Variants in MAML2 observed in about 807,000 individuals in gnomAD.
The protein encoded by MAML2 is mastermind-like protein 2.
MAML2 carries 22 observed loss-of-function variants against 96.1 expected under a neutral mutation model. The ratio of observed to expected loss-of-function variants is 0.23; its 90% CI spans 0.16 to 0.33. MAML2 has a LOEUF of 0.33. MAML2 is among the 10% of genes least tolerant of loss of function. The pLI is 1.00. For missense variants in MAML2, 1,367 were observed against 1,392.4 expected (o/e 0.98, Z 0.29); for synonymous variants, 561 against 521.3 (o/e 1.08, Z -1.04).
chr11:96,148,635 G>A (rs900966379), intron 1 of MAML2, among the ~76,000 whole-genome samples: 1 of 143,178 alleles, frequency 7.0e-6, no homozygotes, highest in South Asian at 2.2e-4. Flanking sequence ...CTTCTGGCCT[G>A]AAAAGTCTGA....
chr11:96,157,552 A>T (rs1861030058), intron 1 of MAML2, among the ~76,000 whole-genome samples: 1 of 152,272 alleles, frequency 6.6e-6, no homozygotes, highest in Non-Finnish European at 1.5e-5. Context: ...CAAGAATAAC[A>T]TGCTCATGGA....
At chr11:96,119,145 A>G (rs1860293826) in intron 1 of MAML2, among the ~76,000 whole-genome samples, 1 of 152,234 alleles carries the variant, frequency 6.6e-6, no homozygotes, top group South Asian at 2.1e-4. Flanking sequence ...TATGGTAGGC[A>G]GGATAATATC....
chr11:96,123,034 G>C (rs1565221901), intron 1 of MAML2, among the ~76,000 whole-genome samples: 1 of 152,208 alleles, frequency 6.6e-6, no homozygotes, highest in Non-Finnish European at 1.5e-5. Context: ...AATGCTGAGA[G>C]TCCAGCCTTC....
intron 1 of MAML2, among the ~76,000 whole-genome samples, chr11:96,332,321 G>A (rs1350622781): frequency 6.6e-6 from 1 of 152,204 alleles, no homozygotes; most frequent in Admixed American, 6.5e-5. Flanking sequence ...TTAGCTGGGA[G>A]CTCGCTCTCT....
chr11:96,037,047 C>T (rs181258833), intron 2 of MAML2, among the ~76,000 whole-genome samples: 2 of 152,140 alleles, frequency 1.3e-5, no homozygotes, highest in African/African-American at 2.4e-5. Flanking sequence ...CCTGCACTGC[C>T]GTCGGGAGCC....
At chr11:96,066,732 G>T (rs561807808) in intron 2 of MAML2, among the ~76,000 whole-genome samples, 2 of 152,272 alleles carry the variant, frequency 1.3e-5, no homozygotes, top group East Asian at 3.9e-4. Flanking sequence ...AACTAGGAAG[G>T]CTGCAGCTTT....
chr11:96,075,684 G>C (rs898807955), intron 2 of MAML2, among the ~76,000 whole-genome samples: 4 of 152,300 alleles, frequency 2.6e-5, no homozygotes, highest in African/African-American at 9.6e-5. Context: ...GGATTTGTCT[G>C]AGTGGCTTCC....
chr11:96,119,876 A>G (rs1050970928), intron 1 of MAML2, among the ~76,000 whole-genome samples: 2 of 152,204 alleles, frequency 1.3e-5, no homozygotes, highest in African/African-American at 4.8e-5. Context: ...ATGAGAGGGC[A>G]TAGGCCCTAA....
At chr11:96,060,902 T>C (rs1261777467) in intron 2 of MAML2, among the ~76,000 whole-genome samples, 1 of 152,216 alleles carries the variant, frequency 6.6e-6, no homozygotes, top group Non-Finnish European at 1.5e-5. Flanking sequence ...TTGTTTTTCA[T>C]GAGGCCAGTC....
chr11:96,034,452 A>AG (rs1451571303), intron 2 of MAML2, among the ~76,000 whole-genome samples: 14 of 139,828 alleles, frequency 1.0e-4, no homozygotes, highest in African/African-American at 4.3e-4. Flanking sequence ...AGAGAGAGAG[A>AG]GAGAGTGTGT....
chr11:96,294,535 C>A (rs1863262607), intron 1 of MAML2, among the ~76,000 whole-genome samples: 1 of 152,186 alleles, frequency 6.6e-6, no homozygotes, highest in Admixed American at 6.5e-5. Flanking sequence ...ACAAGGACTG[C>A]AGGAAGTTCC....
rs80159963 is a variant in MAML2, at chr11:96,110,495, G to A, written c.514-16978C>T. 4.0e-3 allele frequency among the ~76,000 whole-genome samples: 613 copies of A among 152,282 alleles called. 6 individuals are homozygous for A. Among genetic ancestry groups the A allele is most frequent in the African/African-American group, 0.014 (582 of 41,560 alleles). Reference sequence around the variant, plus strand: ...CTGCAATTCCTTGTTCAAATACTAGGTGGAAGGCATACAGTTTGTTTCTTC... The same window carrying A: ...CTGCAATTCCTTGTTCAAATACTAGATGGAAGGCATACAGTTTGTTTCTTC... On this transcript the variant is annotated intron_variant, in intron 1 of 4. Coordinates refer to ENST00000524717, the MANE Select transcript of MAML2 (RefSeq NM_032427.4).
chr11:96,290,555 G>T (rs1863194834), intron 1 of MAML2, among the ~76,000 whole-genome samples: 1 of 152,142 alleles, frequency 6.6e-6, no homozygotes, highest in Admixed American at 6.5e-5. Context: ...GATCCACATT[G>T]CCAGAACCAC....
At chr11:96,165,305 G>A (rs1861174248) in intron 1 of MAML2, among the ~76,000 whole-genome samples, 1 of 152,110 alleles carries the variant, frequency 6.6e-6, no homozygotes, top group African/African-American at 2.4e-5. Flanking sequence ...CCCAGTTTCC[G>A]ATGTGGTGGC....
At chr11:96,130,760 G>T (rs1180903319) in intron 1 of MAML2, among the ~76,000 whole-genome samples, 3 of 140,770 alleles carry the variant, frequency 2.1e-5, no homozygotes, top group Admixed American at 1.4e-4. Flanking sequence ...TGACCAAATT[G>T]TTTATTCTGA....
At chr11:96,030,293 T>TTA (rs1858592750) in intron 2 of MAML2, among the ~76,000 whole-genome samples, 1 of 151,994 alleles carries the variant, frequency 6.6e-6, no homozygotes, top group Admixed American at 6.6e-5. Context: ...ATTGTTTTTT[T>TTA]AAAAAAGGAA....
intron 1 of MAML2, among the ~76,000 whole-genome samples, chr11:96,100,607 G>C (rs1390544504): frequency 6.6e-6 from 1 of 151,890 alleles, no homozygotes; most frequent in African/African-American, 2.4e-5. Flanking sequence ...ACCACACCTG[G>C]CCTTTTTGTT....
chr11:96,282,105 T>C (rs1264500889), intron 1 of MAML2, among the ~76,000 whole-genome samples: 1 of 151,642 alleles, frequency 6.6e-6, no homozygotes, highest in African/African-American at 2.4e-5. Flanking sequence ...AAAAATTAGC[T>C]GGGCGTGGTG....
intron 2 of MAML2, 89 bp from the exon 3 acceptor site, chr11:95,991,812 T>C (rs1857918501): frequency 5.2e-6 from 5 of 960,712 alleles, no homozygotes; most frequent in East Asian, 2.5e-5. Flanking sequence ...ATTCCAAACA[T>C]TTTTCATCTT....
Sources: allele counts gnomAD v4.1 joint callset (sites outside exome capture counted in the v4.1 genomes callset), GRCh38; gene constraint gnomAD v4.1.1; transcripts MANE v1.5; gene names NCBI Gene and HGNC (gene_info 2026-07-23, HGNC 2026-07-21).